The following SEMA3A variants were observed in gnomAD, a reference collection of about 807,000 sequenced individuals.
SEMA3A encodes the protein semaphorin 3A.
A neutral mutation model predicts 97.9 loss-of-function variants in SEMA3A; 29 were observed. The ratio of observed to expected loss-of-function variants is 0.30; its 90% confidence interval spans 0.22 to 0.40. SEMA3A has a LOEUF of 0.40. Ranked by LOEUF, SEMA3A falls within the 10% of genes least tolerant of loss-of-function variation. The pLI is 1.00. For synonymous variants in SEMA3A, 321 were observed against 323.7 expected, an observed-to-expected ratio of 0.99 and a Z score of 0.09; for missense variants, 763 against 951.3, an observed-to-expected ratio of 0.80 and a Z score of 2.60.
intron 3 of SEMA3A, among the ~76,000 whole-genome samples, chr7:84,243,360 C>A (rs920006103): frequency 6.6e-6 from 1 of 152,142 alleles, no homozygotes; most frequent in Admixed American, 6.6e-5. Flanking sequence ...CGACTTCTTC[C>A]TGGTTTAGTC....
chr7:84,330,085 C>G (rs1801876914), intron 2 of SEMA3A, among the ~76,000 whole-genome samples: 1 of 151,858 alleles, frequency 6.6e-6, no homozygotes, highest in South Asian at 2.1e-4. Flanking sequence ...AATCTCATAA[C>G]CAATAACATA....
intron 1 of SEMA3A, among the ~76,000 whole-genome samples, chr7:84,417,075 A>G (rs1222667352): frequency 1.3e-5 from 2 of 152,100 alleles, no homozygotes; most frequent in Non-Finnish European, 2.9e-5. Flanking sequence ...GTTCTGTACT[A>G]AACAGTTTGA....
At chr7:84,313,102 G>T (rs181687437) in intron 2 of SEMA3A, among the ~76,000 whole-genome samples, 1 of 143,616 alleles carries the variant, frequency 7.0e-6, no homozygotes, top group African/African-American at 2.5e-5. Flanking sequence ...ATTAAGCCAT[G>T]ATTTACTAGC....
chr7:83,989,224 A>G (rs1332271920), intron 12 of SEMA3A, among the ~76,000 whole-genome samples: 1 of 152,188 alleles, frequency 6.6e-6, no homozygotes, highest in Admixed American at 6.5e-5. Flanking sequence ...AAGTGAAATT[A>G]GCTAGCTCTA....
chr7:84,166,563 C>T (rs1454695599), intron 1 of SEMA3A, among the ~76,000 whole-genome samples: 1 of 114,332 alleles, frequency 8.7e-6, no homozygotes, highest in Non-Finnish European at 1.8e-5. Flanking sequence ...AAGAGCAAAA[C>T]TCCGTCAAAA....
chr7:84,085,772 C>A lies in SEMA3A; in HGVS notation c.453+24698G>T, dbSNP rs905554038. On this transcript the variant is annotated intron_variant, in intron 4 of 16. Transcript: ENST00000265362. Reference sequence around the variant, plus strand: ...AGCATTCTCCTCTAAACTTTTCTATCTTCCTTTTCCTTTTAAAAATAAATG... The same window carrying A: ...AGCATTCTCCTCTAAACTTTTCTATATTCCTTTTCCTTTTAAAAATAAATG... Among the ~76,000 whole-genome samples, 6 of 152,174 alleles carry A rather than the reference C, an allele frequency of 3.9e-5. 1 individual carries two copies. Among genetic ancestry groups the A allele is most frequent in the Admixed American group, 3.9e-4 (6 of 15,262 alleles).
At chr7:84,058,306 C>T (rs2527032) in intron 5 of SEMA3A, among the ~76,000 whole-genome samples, 43,446 of 151,960 alleles carry the variant, frequency 0.29, 6,429 homozygotes, top group South Asian at 0.37. Context: ...AAAGTACAAC[C>T]TGTATATTTC....
At chr7:84,015,701 C>T (rs916566812) in intron 6 of SEMA3A, among the ~76,000 whole-genome samples, 2 of 152,160 alleles carry the variant, frequency 1.3e-5, no homozygotes, top group Non-Finnish European at 2.9e-5. Context: ...CACATATAAT[C>T]CAAGTTATTT....
chr7:84,123,763 TTAATATA>T (rs1267676844), intron 3 of SEMA3A, among the ~76,000 whole-genome samples: 1 of 50,502 alleles, frequency 2.0e-5, no homozygotes, highest in Non-Finnish European at 4.0e-5. Context: ...TTCTTATTGT[TTAATATA>T]TATTATCTGA....
intron 3 of SEMA3A, among the ~76,000 whole-genome samples, chr7:84,113,778 A>C (rs952702807): frequency 1.3e-5 from 2 of 152,154 alleles, no homozygotes; most frequent in Non-Finnish European, 2.9e-5. Flanking sequence ...TCCCCAGAGC[A>C]ACAGTGTTAT....
intron 1 of SEMA3A, among the ~76,000 whole-genome samples, chr7:84,181,605 T>A (rs1797739586): frequency 6.6e-6 from 1 of 152,186 alleles, no homozygotes; most frequent in Non-Finnish European, 1.5e-5. Flanking sequence ...AGGCTGAGGT[T>A]GTAGAACTGT....
chr7:84,081,334 T>C (rs912905434), intron 4 of SEMA3A, among the ~76,000 whole-genome samples: 5 of 152,122 alleles, frequency 3.3e-5, no homozygotes, highest in Non-Finnish European at 7.4e-5. Context: ...GGCTCATGCC[T>C]GTAATCCCAG....
intron 1 of SEMA3A, among the ~76,000 whole-genome samples, chr7:84,144,357 A>T (rs915367316): frequency 2.6e-5 from 4 of 152,068 alleles, no homozygotes; most frequent in Non-Finnish European, 5.9e-5. Context: ...TGGCACAAGA[A>T]ATAGAGGCTT....
intron 3 of SEMA3A, among the ~76,000 whole-genome samples, chr7:84,204,801 T>C (rs1798447565): frequency 6.6e-6 from 1 of 152,178 alleles, no homozygotes; most frequent in Non-Finnish European, 1.5e-5. Context: ...AAACCATGAC[T>C]TAGACTAACA....
At chr7:84,307,457 G>A (rs1801188981) in intron 2 of SEMA3A, among the ~76,000 whole-genome samples, 1 of 152,124 alleles carries the variant, frequency 6.6e-6, no homozygotes, top group African/African-American at 2.4e-5. Flanking sequence ...AATTATGGAA[G>A]GCAGGTACTG....
At chr7:84,036,570 CATT>C (rs1562988114) in intron 6 of SEMA3A, among the ~76,000 whole-genome samples, 1 of 151,910 alleles carries the variant, frequency 6.6e-6, no homozygotes, top group East Asian at 1.9e-4. Context: ...TAAATAGAAA[CATT>C]GTTGAATGAG....
intron 3 of SEMA3A, among the ~76,000 whole-genome samples, chr7:84,243,980 T>G (rs1799423999): frequency 1.3e-5 from 2 of 152,186 alleles, no homozygotes; most frequent in South Asian, 4.1e-4. Flanking sequence ...TGATTTCTGT[T>G]CTTTTGCATT....
chr7:84,024,106 A>T (rs887415619), intron 6 of SEMA3A, among the ~76,000 whole-genome samples: 1 of 152,182 alleles, frequency 6.6e-6, no homozygotes, highest in African/African-American at 2.4e-5. Flanking sequence ...ATAACTATGA[A>T]GGAAAACTCT....
At chr7:84,217,532 T>C (rs1798778250) in intron 3 of SEMA3A, among the ~76,000 whole-genome samples, 1 of 152,184 alleles carries the variant, frequency 6.6e-6, no homozygotes, top group Admixed American at 6.5e-5. Flanking sequence ...CTGTGGTGTT[T>C]AAATGTGCTA....
Sources: gnomAD v4.1 joint callset for allele counts (sites outside exome capture counted in the v4.1 genomes callset) on GRCh38, gnomAD v4.1.1 for gene constraint, MANE v1.5 for transcripts, NCBI Gene and HGNC (gene_info 2026-07-23, HGNC 2026-07-21) for gene names.